The following ODAD2 variants were observed in gnomAD, a reference collection of about 807,000 sequenced individuals.
ODAD2 encodes the protein outer dynein arm-docking complex subunit 2.
ODAD2 carries 89 observed loss-of-function variants against 106.8 expected under a neutral mutation model. That is an observed-to-expected ratio of 0.83 (90% CI 0.70 to 0.99). The LOEUF (loss-of-function observed/expected upper bound fraction) is 0.99. Among genes scored for constraint, ODAD2 ranks in the 50% least tolerant of loss-of-function variants. ODAD2 has a pLI of 0.00. For synonymous variants in ODAD2, 404 were observed against 436.2 expected, an observed-to-expected ratio of 0.93 and a Z score of 0.92; for missense variants, 1,168 against 1,238.5, an observed-to-expected ratio of 0.94 and a Z score of 0.85.
intron 19 of ODAD2, among the ~76,000 whole-genome samples, chr10:27,823,937 G>A (rs918242844): frequency 1.7e-5 from 2 of 116,836 alleles, no homozygotes; most frequent in Admixed American, 9.1e-5. Flanking sequence ...TCAGGAGATC[G>A]AGACCATCCT....
At chr10:27,942,191 T>C (rs1590088566) in intron 12 of ODAD2, among the ~76,000 whole-genome samples, 1 of 152,340 alleles carries the variant, frequency 6.6e-6, no homozygotes, top group South Asian at 2.1e-4. Flanking sequence ...CCTCACAATC[T>C]TTGCCTTGCA....
chr10:27,859,361 A>G lies in ODAD2; in HGVS notation c.3021+1264T>C, dbSNP rs544070916. Among the ~76,000 whole-genome samples the G allele has an allele frequency of 1.6e-4, 25 of 152,338 alleles. No homozygotes were observed. In the South Asian group the frequency reaches 5.2e-3, roughly 32 times the overall value. ...AATGGAAAGGTTGACACATTCAAAC[A>G]TATATTGAGTTTAATTTCAGAAAAA... On this transcript the variant is annotated intron_variant, in intron 19 of 19. Coordinates refer to ENST00000305242, the MANE Select transcript of ODAD2 (RefSeq NM_018076.5).
At chr10:27,978,297 G>T (rs950895655) in intron 7 of ODAD2, among the ~76,000 whole-genome samples, 1 of 152,170 alleles carries the variant, frequency 6.6e-6, no homozygotes, top group African/African-American at 2.4e-5. Context: ...GGCCTCCAAA[G>T]AGGGGAAAAA....
chr10:27,965,927 T>C (rs777515000), intron 9 of ODAD2, among the ~76,000 whole-genome samples: 1 of 152,238 alleles, frequency 6.6e-6, no homozygotes, highest in Admixed American at 6.5e-5. Context: ...TAAGCCTTCA[T>C]GCTTATATCA....
chr10:27,973,654 T>C (rs1239008205), intron 7 of ODAD2, among the ~76,000 whole-genome samples: 1 of 152,186 alleles, frequency 6.6e-6, no homozygotes. Flanking sequence ...CCATGGCATA[T>C]ATGTACCACA....
chr10:27,906,250 G>T (rs139732355), intron 17 of ODAD2, among the ~76,000 whole-genome samples: 1 of 151,954 alleles, frequency 6.6e-6, no homozygotes, highest in East Asian at 1.9e-4. Context: ...ACCAACAAAC[G>T]TATGAAAAAA....
At chr10:27,923,988 A>G (rs867720097) in intron 16 of ODAD2, among the ~76,000 whole-genome samples, 3 of 130,532 alleles carry the variant, frequency 2.3e-5, no homozygotes, top group African/African-American at 7.2e-5. Context: ...GAAAGAAAGA[A>G]AGAAAGAAAG....
At chr10:27,897,153 T>A (rs1842913294) in intron 17 of ODAD2, among the ~76,000 whole-genome samples, 1 of 152,118 alleles carries the variant, frequency 6.6e-6, no homozygotes, top group African/African-American at 2.4e-5. Flanking sequence ...GGTTTTCCCA[T>A]CCCCTTCCCA....
intron 10 of ODAD2, among the ~76,000 whole-genome samples, chr10:27,960,294 A>ATTAT (rs1848034341): frequency 6.8e-6 from 1 of 147,820 alleles, no homozygotes; most frequent in Non-Finnish European, 1.5e-5. Flanking sequence ...ACATGAAAAT[A>ATTAT]TTATTTATTT....
intron 19 of ODAD2, among the ~76,000 whole-genome samples, chr10:27,839,157 C>A (rs1838125749): frequency 6.6e-6 from 1 of 152,256 alleles, no homozygotes; most frequent in East Asian, 1.9e-4. Flanking sequence ...AAAGGAATAA[C>A]TCTCCCGTCC....
chr10:27,875,559 T>C (rs915797125), intron 17 of ODAD2, among the ~76,000 whole-genome samples: 1 of 152,132 alleles, frequency 6.6e-6, no homozygotes, highest in African/African-American at 2.4e-5. Context: ...TGTTTGTTAG[T>C]TTTGGTGGTT....
intron 16 of ODAD2, among the ~76,000 whole-genome samples, chr10:27,911,604 C>T (rs918274994): frequency 1.3e-5 from 2 of 152,180 alleles, no homozygotes; most frequent in African/African-American, 2.4e-5. Flanking sequence ...AGCTTCTCCC[C>T]GTTATGCACT....
intron 16 of ODAD2, among the ~76,000 whole-genome samples, chr10:27,919,999 C>G (rs74831843): frequency 1.3e-5 from 2 of 151,926 alleles, no homozygotes; most frequent in African/African-American, 4.8e-5. Flanking sequence ...CAGATACACT[C>G]CAAACAGAAA....
intron 17 of ODAD2, among the ~76,000 whole-genome samples, chr10:27,864,799 A>T (rs940002148): frequency 3.9e-5 from 6 of 152,094 alleles, no homozygotes; most frequent in Admixed American, 1.3e-4. Flanking sequence ...AAATAATAAT[A>T]ATTCACATCT....
At chr10:27,841,402 A>C (rs1484099926) in intron 19 of ODAD2, among the ~76,000 whole-genome samples, 1 of 150,368 alleles carries the variant, frequency 6.7e-6, no homozygotes, top group East Asian at 2.0e-4. Context: ...CTTTTTTCTT[A>C]TTTTTATTTT....
intron 17 of ODAD2, among the ~76,000 whole-genome samples, chr10:27,895,257 C>T (rs1842790390): frequency 1.3e-5 from 2 of 152,106 alleles, no homozygotes; most frequent in Admixed American, 1.3e-4. Flanking sequence ...GACCTGGGCA[C>T]CAAAACGATA....
intron 19 of ODAD2, among the ~76,000 whole-genome samples, chr10:27,851,877 A>G (rs1839290124): frequency 6.6e-6 from 1 of 152,200 alleles, no homozygotes; most frequent in Admixed American, 6.6e-5. Context: ...AAGGCCCATC[A>G]TAATCAAATT....
At chr10:27,816,131 A>G (rs1398118976) in intron 19 of ODAD2, among the ~76,000 whole-genome samples, 2 of 152,006 alleles carry the variant, frequency 1.3e-5, no homozygotes, top group African/African-American at 2.4e-5. Context: ...TTTCAAAGTC[A>G]TTCACTTCTC....
At chr10:27,870,700 C>G (rs1287412356) in intron 17 of ODAD2, among the ~76,000 whole-genome samples, 1 of 152,180 alleles carries the variant, frequency 6.6e-6, no homozygotes, top group Non-Finnish European at 1.5e-5. Context: ...TTTTTTATGG[C>G]TGCATAGTAT....
Sources: gnomAD v4.1 joint callset for allele counts (sites outside exome capture counted in the v4.1 genomes callset) on GRCh38, gnomAD v4.1.1 for gene constraint, MANE v1.5 for transcripts, NCBI Gene and HGNC (gene_info 2026-07-23, HGNC 2026-07-21) for gene names.